TAFA1: variants seen among roughly 807,000 people sequenced by gnomAD.
TAFA1 encodes chemokine-like protein TAFA-1.
Under a neutral mutation model 18.5 loss-of-function variants are expected in TAFA1, and 4 were observed. The observed-to-expected ratio is 0.22, with a 90% CI of 0.11 to 0.49. The LOEUF is 0.49. Ranked by LOEUF, TAFA1 falls within the 20% of genes least tolerant of loss-of-function variation. TAFA1 has a pLI of 0.98. For missense variants in TAFA1, 147 were observed against 169.0 expected, an observed-to-expected ratio of 0.87 and a Z score of 0.72; for synonymous variants, 56 against 55.2, an observed-to-expected ratio of 1.01 and a Z score of -0.06.
At chr3:68,511,785 A>G in intron 3 of TAFA1, among the ~76,000 whole-genome samples, 1 of 152,136 alleles carries the variant, frequency 6.6e-6, no homozygotes, top group East Asian at 1.9e-4. Flanking sequence ...ATTCAAACTA[A>G]AATCAAATAT....
intron 2 of TAFA1, among the ~76,000 whole-genome samples, chr3:68,036,717 A>G (rs1228927122): frequency 6.6e-6 from 1 of 151,632 alleles, no homozygotes; most frequent in Non-Finnish European, 1.5e-5. Context: ...GGGTCCCTTA[A>G]CTCTCTCCTA....
intron 2 of TAFA1, among the ~76,000 whole-genome samples, chr3:68,078,048 A>T (rs1049653181): frequency 6.6e-6 from 1 of 151,794 alleles, no homozygotes; most frequent in Non-Finnish European, 1.5e-5. Context: ...CTGGATTCCT[A>T]GGTATTTTAT....
At chr3:68,215,763 A>C (rs996925533) in intron 2 of TAFA1, among the ~76,000 whole-genome samples, 1 of 152,068 alleles carries the variant, frequency 6.6e-6, no homozygotes, top group African/African-American at 2.4e-5. Flanking sequence ...TTTCTTACAA[A>C]GCTAAACATA....
At chr3:68,268,934 T>C (rs532746377) in intron 2 of TAFA1, among the ~76,000 whole-genome samples, 3 of 152,198 alleles carry the variant, frequency 2.0e-5, no homozygotes, top group Non-Finnish European at 4.4e-5. Context: ...CATTCTGGCA[T>C]GTAAGAATTT....
At chr3:68,046,945 G>C (rs1198521099) in intron 2 of TAFA1, among the ~76,000 whole-genome samples, 1 of 152,184 alleles carries the variant, frequency 6.6e-6, no homozygotes, top group Non-Finnish European at 1.5e-5. Context: ...AAAAAACCAA[G>C]TATGTACCTC....
chr3:68,539,423 A>G (rs926130661), intron 4 of TAFA1, among the ~76,000 whole-genome samples: 18 of 151,936 alleles, frequency 1.2e-4, no homozygotes, highest in Non-Finnish European at 2.9e-5. Context: ...GGTAATCCAA[A>G]CCATCAAAAT....
At chr3:68,424,736 C>T (rs1278220752) in intron 3 of TAFA1, among the ~76,000 whole-genome samples, 1 of 152,026 alleles carries the variant, frequency 6.6e-6, no homozygotes, top group Non-Finnish European at 1.5e-5. Context: ...GTATGATAGC[C>T]TCTGCTTAGC....
At chr3:68,421,706 A>C (rs184137105) in intron 3 of TAFA1, among the ~76,000 whole-genome samples, 1 of 152,202 alleles carries the variant, frequency 6.6e-6, no homozygotes, top group Admixed American at 6.6e-5. Flanking sequence ...GATTTTTTTA[A>C]GATTTAAGAA....
chr3:68,011,652 C>A (rs1704473753), intron 2 of TAFA1, among the ~76,000 whole-genome samples: 1 of 152,128 alleles, frequency 6.6e-6, no homozygotes, highest in African/African-American at 2.4e-5. Flanking sequence ...ATAGTGGGTA[C>A]AACTATGGTC....
intron 3 of TAFA1, among the ~76,000 whole-genome samples, chr3:68,436,785 A>G (rs1206581694): frequency 2.0e-5 from 3 of 152,164 alleles, no homozygotes. Context: ...TCACAAATGA[A>G]CAGCGAGTCA....
At chr3:68,207,996 T>C (rs2066547070) in intron 2 of TAFA1, among the ~76,000 whole-genome samples, 1 of 151,956 alleles carries the variant, frequency 6.6e-6, no homozygotes, top group Admixed American at 6.6e-5. Context: ...CTCAGAGACT[T>C]AGAAACAGGA....
intron 2 of TAFA1, among the ~76,000 whole-genome samples, chr3:68,357,344 T>A (rs2069385510): frequency 6.6e-6 from 1 of 151,100 alleles, no homozygotes; most frequent in Admixed American, 6.6e-5. Flanking sequence ...CATTGATGGA[T>A]GCCTGCAGTT....
chr3:68,425,041 C>G (rs2071025067), intron 3 of TAFA1, among the ~76,000 whole-genome samples: 1 of 151,980 alleles, frequency 6.6e-6, no homozygotes, highest in South Asian at 2.1e-4. Flanking sequence ...GAGTACACAA[C>G]TGATCCTATA....
chr3:68,391,864 A>T (rs9858255), intron 2 of TAFA1, among the ~76,000 whole-genome samples: 56,308 of 151,990 alleles, frequency 0.37, 11,216 homozygotes, highest in Non-Finnish European at 0.41. Flanking sequence ...AGGAAGCACT[A>T]AACATGGAAA....
intron 2 of TAFA1, among the ~76,000 whole-genome samples, chr3:68,218,158 T>C (rs2066682813): frequency 6.6e-6 from 1 of 152,066 alleles, no homozygotes; most frequent in Non-Finnish European, 1.5e-5. Context: ...TTCCAGCCTC[T>C]CAGGTCACAG....
chr3:68,119,811 C>T (rs543422597), intron 2 of TAFA1, among the ~76,000 whole-genome samples: 1 of 152,076 alleles, frequency 6.6e-6, no homozygotes, highest in African/African-American at 2.4e-5. Flanking sequence ...AAGTGTGGGA[C>T]CGTCAACCTT....
chr3:68,152,534 C>T (rs1368142133), intron 2 of TAFA1, among the ~76,000 whole-genome samples: 1 of 152,116 alleles, frequency 6.6e-6, no homozygotes, highest in African/African-American at 2.4e-5. Context: ...CAGTTAAATT[C>T]AGTCCCATGA....
chr3:68,161,953 CT>C (rs1184074889), intron 2 of TAFA1, among the ~76,000 whole-genome samples: 3 of 152,164 alleles, frequency 2.0e-5, no homozygotes, highest in African/African-American at 7.2e-5. Context: ...ATGCTCATTT[CT>C]TTTTTATCAG....
intron 2 of TAFA1, among the ~76,000 whole-genome samples, chr3:68,376,888 T>C (rs527749262): frequency 1.8e-4 from 27 of 152,282 alleles, no homozygotes; most frequent in African/African-American, 6.3e-4. Context: ...GCTATTCTCA[T>C]GATAGTGAGT....
Sources: allele counts gnomAD v4.1 joint callset (sites outside exome capture counted in the v4.1 genomes callset), GRCh38; gene constraint gnomAD v4.1.1; transcripts MANE v1.5; gene names NCBI Gene and HGNC (gene_info 2026-07-23, HGNC 2026-07-21).